The following MET variants were observed in gnomAD, a reference collection of about 807,000 sequenced individuals.
MET encodes MET proto-oncogene, receptor tyrosine kinase.
A neutral mutation model predicts 133.1 loss-of-function variants in MET; 48 were observed. That is an observed-to-expected ratio of 0.36 (90% CI 0.29 to 0.46). The LOEUF is 0.46. MET is among the 20% of genes least tolerant of loss of function. The pLI, the probability that MET is intolerant of heterozygous loss-of-function variation, is 1.00. For missense variants in MET, 1,442 were observed against 1,695.9 expected, an observed-to-expected ratio of 0.85 and a Z score of 2.63; for synonymous variants, 628 against 616.5, an observed-to-expected ratio of 1.02 and a Z score of -0.28.
At chr7:116,709,079 C>CAAGT (rs888573945) in intron 2 of MET, among the ~76,000 whole-genome samples, 11 of 152,130 alleles carry the variant, frequency 7.2e-5, no homozygotes, top group African/African-American at 2.7e-4. Flanking sequence ...AAAGGAGAGA[C>CAAGT]AAGTGCTCAC....
chr7:116,721,025 CT>C (rs1178244474), intron 2 of MET, among the ~76,000 whole-genome samples: 1 of 151,908 alleles, frequency 6.6e-6, no homozygotes, highest in Non-Finnish European at 1.5e-5. Context: ...AGGATTCTCT[CT>C]TTTTCTATTG....
intron 15 of MET, among the ~76,000 whole-genome samples, chr7:116,776,586 A>G (rs905599491): frequency 2.0e-5 from 3 of 152,232 alleles, no homozygotes; most frequent in African/African-American, 4.8e-5. Flanking sequence ...ACTCAAAAGC[A>G]TAAGTTTTAT....
At chr7:116,788,615 C>G (rs1030235572) in intron 19 of MET, among the ~76,000 whole-genome samples, 5 of 152,230 alleles carry the variant, frequency 3.3e-5, no homozygotes, top group African/African-American at 1.2e-4. Flanking sequence ...TCGAAAGACA[C>G]TATTTTGTGC....
intron 10 of MET, among the ~76,000 whole-genome samples, chr7:116,762,691 C>T (rs1794442922): frequency 6.6e-6 from 1 of 152,122 alleles, no homozygotes; most frequent in Non-Finnish European, 1.5e-5. Flanking sequence ...GGCCTTCTAA[C>T]CCCACAAAGC....
rs772014416 is a variant in MET, at chr7:116,700,197, C to T, written c.1113C>T (p.Asn371=). 30 of 1,592,648 alleles carry T rather than the reference C, an allele frequency of 1.9e-5. No individual in the cohort carries two copies. Among genetic ancestry groups the T allele is most frequent in the Admixed American group, 7.3e-5 (4 of 55,158 alleles). Residue 371 remains asparagine (N), a synonymous_variant, in exon 2 of 21, where the codon AAC becomes AAT. Transcript: ENST00000397752. ...AMCAFPIKYV[N]DFFNKIVNKN... ...GTGCATTCCCTATCAAATATGTCAA[C>T]GACTTCTTCAACAAGATCGTCAACA...
In MET at chr7:116,793,428, G is replaced by C. The variant is rs564909330; in HGVS notation, c.3799-2227G>C. On this transcript the variant is annotated intron_variant, in intron 19 of 20. Transcript: ENST00000397752. ...GACCTCAAGTGATCTGCCCACCCCCGCCTCCCAAAGTGCTGGGATTACAGA... is the reference window on the plus strand; with the variant it reads ...GACCTCAAGTGATCTGCCCACCCCCCCCTCCCAAAGTGCTGGGATTACAGA... Among the ~76,000 whole-genome samples the C allele has an allele frequency of 5.8e-4, 88 of 150,666 alleles. 1 individual carries two copies. The highest frequency in any genetic ancestry group is 2.0e-3 in the African/African-American group (83 of 41,072).
intron 15 of MET, among the ~76,000 whole-genome samples, chr7:116,776,913 C>A (rs921286355): frequency 2.0e-5 from 3 of 152,186 alleles, no homozygotes; most frequent in Non-Finnish European, 4.4e-5. Flanking sequence ...TTCTATAATA[C>A]TAATCCTATT....
chr7:116,721,948 A>C (rs1792506848), intron 2 of MET, among the ~76,000 whole-genome samples: 1 of 151,276 alleles, frequency 6.6e-6, no homozygotes, highest in Admixed American at 6.6e-5. Context: ...GTGCTGAAAA[A>C]AATGTATATT....
At chr7:116,754,881 G>GAGAA (rs1230715421) in intron 5 of MET, among the ~76,000 whole-genome samples, 38 of 110,702 alleles carry the variant, frequency 3.4e-4, no homozygotes, top group African/African-American at 1.0e-3. Context: ...GAAAGAGAGA[G>GAGAA]AGAGAGAAAG....
At chr7:116,696,569 G>A (rs1029716326) in intron 1 of MET, among the ~76,000 whole-genome samples, 6 of 152,164 alleles carry the variant, frequency 3.9e-5, no homozygotes, top group African/African-American at 1.4e-4. Context: ...GTGACACAGT[G>A]CAATATTTGC....
In MET at chr7:116,700,221, C is replaced by T. The variant is rs1060504942; in HGVS notation, c.1137C>T (p.Asn379=). 5 of 1,598,014 alleles carry T rather than the reference C, an allele frequency of 3.1e-6. No homozygotes were observed. In the Admixed American group the frequency reaches 5.4e-5, roughly 17 times the overall value. The change falls in exon 2 of 21, where the codon AAC becomes AAT. Residue 379 remains asparagine, a synonymous_variant. Coordinates refer to ENST00000397752, the MANE Select transcript of MET (RefSeq NM_000245.4). ...YVNDFFNKIV[N]KNNVRCLQHF... ...ACGACTTCTTCAACAAGATCGTCAA[C>T]AAAAACAATGTGAGATGTCTCCAGC...
chr7:116,678,311 G>T (rs1796231520), intron 1 of MET, among the ~76,000 whole-genome samples: 1 of 152,072 alleles, frequency 6.6e-6, no homozygotes, highest in African/African-American at 2.4e-5. Flanking sequence ...ATGAAACAGT[G>T]CACATACAGT....
At chr7:116,731,998 A>G (rs369578950) in intron 3 of MET, 139 bp downstream of exon 3, 4 of 807,534 alleles carry the variant, frequency 5.0e-6, no homozygotes, top group East Asian at 2.7e-5. Context: ...CTGAAAGCCA[A>G]ACAATGAAGC....
chr7:116,694,051 C>T (rs1218517674), intron 1 of MET, among the ~76,000 whole-genome samples: 1 of 152,226 alleles, frequency 6.6e-6, no homozygotes, highest in Non-Finnish European at 1.5e-5. Context: ...TGCCTGTGCA[C>T]TTGGCCTCTC....
intron 19 of MET, among the ~76,000 whole-genome samples, chr7:116,795,274 C>T (rs530172625): frequency 2.6e-5 from 4 of 152,180 alleles, no homozygotes; most frequent in African/African-American, 9.6e-5. Context: ...TTTTGGGAGG[C>T]TTTCTTCTTC....
intron 15 of MET, 113 bp downstream of exon 15, chr7:116,775,224 G>A: frequency 1.1e-6 from 1 of 906,532 alleles, no homozygotes; most frequent in Non-Finnish European, 1.8e-6. Flanking sequence ...ACAGAGCAGT[G>A]ATAACAAGTG....
chr7:116,716,537 GA>G (rs1435187597), intron 2 of MET, among the ~76,000 whole-genome samples: 1 of 143,808 alleles, frequency 7.0e-6, no homozygotes, highest in Admixed American at 6.9e-5. Flanking sequence ...AAGAAAGAAA[GA>G]AGATATGAAC....
At position 116,699,530 on chromosome 7, in the gene MET, A is replaced by G. The variant is rs772398152; in HGVS notation, c.446A>G (p.Asn149Ser). ...TGCCAGCGACATGTCTTTCCCCACA[A>G]TCATACTGCTGACATACAGTCGGAG... ...GTCQRHVFPH[N>S]HTADIQSEVH... Residue 149 changes from asparagine (N) to serine (S), a missense_variant, in exon 2 of 21, where the codon AAT (asparagine) becomes AGT (serine). Around this residue, in one of 6 missense-constraint regions of MET, gnomAD observed 762 missense variants for 792.4 expected, o/e 0.96. Coordinates refer to ENST00000397752, the MANE Select transcript of MET (RefSeq NM_000245.4). The G allele has an allele frequency of 1.2e-6, 2 of 1,613,896 alleles. No individual in the cohort carries two copies. Among genetic ancestry groups the G allele is most frequent in the South Asian group, 1.1e-5 (1 of 91,086 alleles).
intron 13 of MET, 36 bp downstream of exon 13, chr7:116,771,690 C>T (rs777624815): frequency 2.5e-6 from 4 of 1,611,270 alleles, no homozygotes; most frequent in Non-Finnish European, 1.7e-6. Context: ...TAGAAGTTAC[C>T]TTAAGAACAC....
Sources: gnomAD v4.1 joint callset for allele counts (sites outside exome capture counted in the v4.1 genomes callset) on GRCh38, gnomAD v4.1.1 for gene constraint, gnomAD v4.1.1 regional missense constraint, MANE v1.5 for transcripts, NCBI Gene and HGNC (gene_info 2026-07-23, HGNC 2026-07-21) for gene names.